ANTXR1: variants seen among roughly 807,000 people sequenced by gnomAD.
The protein encoded by ANTXR1 is ANTXR cell adhesion molecule 1.
ANTXR1 carries 19 observed loss-of-function variants against 78.1 expected under a neutral mutation model. The ratio of observed to expected loss-of-function variants is 0.24; its 90% CI spans 0.17 to 0.36. The LOEUF is 0.36. Among genes scored for constraint, ANTXR1 ranks in the 10% least tolerant of loss-of-function variants. ANTXR1 has a pLI of 1.00. For missense variants in ANTXR1, 518 were observed against 718.6 expected (o/e 0.72, Z 3.19); for synonymous variants, 273 against 260.5 (o/e 1.05, Z -0.46).
At chr2:69,171,799 A>T (rs1033962843) in intron 14 of ANTXR1, among the ~76,000 whole-genome samples, 1 of 152,242 alleles carries the variant, frequency 6.6e-6, no homozygotes, top group Admixed American at 6.5e-5. Flanking sequence ...GGAGCCAAGT[A>T]AAAAAGCCCA....
chr2:69,143,887 T>C lies in ANTXR1; in HGVS notation c.952-8282T>C, dbSNP rs564227190. Among the ~76,000 whole-genome samples, 16 of 152,102 alleles carry C rather than the reference T, an allele frequency of 1.1e-4. No individual in the cohort carries two copies. In the South Asian group the frequency reaches 3.1e-3, roughly 30 times the overall value. ...GGGAGAGTCACAGATGCCAGAGGAA[T>C]AGAATTTCAAAAACATGCAGGGCAG... On this transcript the variant is annotated intron_variant, in intron 12 of 17. Coordinates refer to ENST00000303714, the MANE Select transcript of ANTXR1 (RefSeq NM_032208.3).
chr2:69,240,919 T>C (rs1252437355), intron 17 of ANTXR1, among the ~76,000 whole-genome samples: 1 of 152,178 alleles, frequency 6.6e-6, no homozygotes, highest in Non-Finnish European at 1.5e-5. Flanking sequence ...CCACCACCAT[T>C]AGATACACCC....
At chr2:69,113,108 A>AG (rs1672040742) in intron 10 of ANTXR1, among the ~76,000 whole-genome samples, 1 of 152,204 alleles carries the variant, frequency 6.6e-6, no homozygotes, top group Non-Finnish European at 1.5e-5. Context: ...GAGCTCCACG[A>AG]GGACTCCAGG....
chr2:69,179,818 A>G (rs1465412317), intron 14 of ANTXR1, among the ~76,000 whole-genome samples: 1 of 152,256 alleles, frequency 6.6e-6, no homozygotes, highest in East Asian at 1.9e-4. Context: ...TTAATAATAC[A>G]TTTAAAGTGC....
At chr2:69,036,183 A>G (rs1422244092) in intron 1 of ANTXR1, among the ~76,000 whole-genome samples, 1 of 152,178 alleles carries the variant, frequency 6.6e-6, no homozygotes, top group African/African-American at 2.4e-5. Flanking sequence ...TATTTCACCA[A>G]CACATTGCTT....
intron 17 of ANTXR1, among the ~76,000 whole-genome samples, chr2:69,221,049 A>G (rs953875134): frequency 2.2e-4 from 33 of 152,228 alleles, no homozygotes; most frequent in Non-Finnish European, 1.6e-4. Context: ...ATATTCATTT[A>G]TAGATTGAGA....
chr2:69,166,458 G>A (rs1673830521), intron 13 of ANTXR1, among the ~76,000 whole-genome samples: 2 of 152,012 alleles, frequency 1.3e-5, no homozygotes, highest in African/African-American at 2.4e-5. Context: ...CCATCTCTTA[G>A]TGCAAAAGGG....
At chr2:69,044,521 A>C (rs1219095244) in intron 2 of ANTXR1, among the ~76,000 whole-genome samples, 2 of 152,164 alleles carry the variant, frequency 1.3e-5, no homozygotes, top group Admixed American at 1.3e-4. Context: ...TCAGGTCAGA[A>C]GCAGCCTCAG....
intron 17 of ANTXR1, among the ~76,000 whole-genome samples, chr2:69,222,082 G>A (rs1026083690): frequency 2.6e-5 from 4 of 152,228 alleles, no homozygotes; most frequent in South Asian, 2.1e-4. Context: ...GGCCACTTCC[G>A]CTGACATTAC....
At chr2:69,212,153 AAAG>A (rs760591006) in intron 17 of ANTXR1, among the ~76,000 whole-genome samples, 98 of 152,354 alleles carry the variant, frequency 6.4e-4, no homozygotes, top group Non-Finnish European at 1.2e-3. Context: ...ATTCTTTATT[AAAG>A]AAGAAGAAAA....
intron 3 of ANTXR1, among the ~76,000 whole-genome samples, chr2:69,055,906 T>C (rs1357827799): frequency 6.6e-6 from 1 of 152,194 alleles, no homozygotes; most frequent in African/African-American, 2.4e-5. Context: ...ACCATGTGCA[T>C]GTAATTGCAC....
At chr2:69,155,933 G>A (rs2104434782) in intron 13 of ANTXR1, among the ~76,000 whole-genome samples, 1 of 152,192 alleles carries the variant, frequency 6.6e-6, no homozygotes, top group Non-Finnish European at 1.5e-5. Context: ...AATCCCTGTT[G>A]GGGCTCTCAG....
At chr2:69,218,583 A>G (rs769838718) in intron 17 of ANTXR1, among the ~76,000 whole-genome samples, 54 of 152,280 alleles carry the variant, frequency 3.5e-4, no homozygotes, top group Middle Eastern at 3.4e-3. Context: ...ATCTGCAGAA[A>G]GGGCAAGGTT....
chr2:69,175,451 C>T (rs1336781397), intron 14 of ANTXR1, among the ~76,000 whole-genome samples: 1 of 151,718 alleles, frequency 6.6e-6, no homozygotes, highest in African/African-American at 2.4e-5. Context: ...GCCCCCGCCG[C>T]CGATATCTAC....
chr2:69,140,991 AT>A (rs1486316908), intron 12 of ANTXR1, among the ~76,000 whole-genome samples: 2 of 152,206 alleles, frequency 1.3e-5, no homozygotes, highest in African/African-American at 4.8e-5. Context: ...TGTTACCCTC[AT>A]TTATGGTTGA....
intron 1 of ANTXR1, among the ~76,000 whole-genome samples, chr2:69,015,417 T>C (rs1028673559): frequency 6.6e-6 from 1 of 151,806 alleles, no homozygotes; most frequent in African/African-American, 2.4e-5. Flanking sequence ...GTGGATAGAG[T>C]AGAAAATCTA....
chr2:69,179,677 T>C (rs113288201), intron 14 of ANTXR1, among the ~76,000 whole-genome samples: 12 of 152,152 alleles, frequency 7.9e-5, no homozygotes, highest in African/African-American at 2.9e-4. Flanking sequence ...AGAATGAGGT[T>C]GCATGAGTTC....
intron 9 of ANTXR1, among the ~76,000 whole-genome samples, chr2:69,097,702 T>C (rs1235903905): frequency 2.6e-5 from 4 of 152,182 alleles, no homozygotes; most frequent in African/African-American, 9.7e-5. Flanking sequence ...AATATACACC[T>C]ACCATATGGC....
chr2:69,137,410 T>C (rs11904546), intron 12 of ANTXR1, among the ~76,000 whole-genome samples: 3,392 of 152,274 alleles, frequency 0.022, 129 homozygotes, highest in African/African-American at 0.075. Context: ...ACCCAAGCTT[T>C]AGTGAATGAC....
Sources: allele counts gnomAD v4.1 joint callset (sites outside exome capture counted in the v4.1 genomes callset), GRCh38; gene constraint gnomAD v4.1.1; transcripts MANE v1.5; gene names NCBI Gene and HGNC (gene_info 2026-07-23, HGNC 2026-07-21).